Variants in CCDC9B observed in about 807,000 individuals in gnomAD.
The protein encoded by CCDC9B is coiled-coil domain containing 9B, also known as coiled-coil domain-containing protein 9B.
A neutral mutation model predicts 47.2 loss-of-function variants in CCDC9B; 40 were observed. The observed-to-expected ratio is 0.85, with a 90% confidence interval of 0.66 to 1.10. The LOEUF is 1.10. Ranked by LOEUF, CCDC9B falls within the 50% of genes least tolerant of loss-of-function variation. The pLI is 0.00. For synonymous variants in CCDC9B, 238 were observed against 250.7 expected (o/e 0.95, Z 0.48); for missense variants, 662 against 651.0 (o/e 1.02, Z -0.18).
chr15:40,337,424 T>G lies in CCDC9B; in HGVS notation c.706A>C (p.Arg236=). 1 of 1,599,650 alleles carries G rather than the reference T, an allele frequency of 6.3e-7. No individual in the cohort carries two copies. Among genetic ancestry groups the G allele is most frequent in the Non-Finnish European group, 8.5e-7 (1 of 1,172,992 alleles). Residue 236 remains arginine, a synonymous_variant, in exon 7 of 11, where the codon AGG becomes CGG. Coordinates refer to ENST00000397536, the MANE Select transcript of CCDC9B (RefSeq NM_207380.3). ...KSTLQDCSQL[R]GEGPARAGSR... is the part of the protein sequence containing the mutation. Reference sequence around the variant, plus strand: ...CCTGCCCTGGCCGGGCCTTCTCCCCTCAGCTGGCTGCAGTCCTGTAGCCTG... The same window carrying G: ...CCTGCCCTGGCCGGGCCTTCTCCCCGCAGCTGGCTGCAGTCCTGTAGCCTG...
rs572942415 is a variant in CCDC9B at position 40,337,814 on chromosome 15, C to T, written c.593G>A (p.Arg198Gln). Residue 198 changes from arginine (R) to glutamine (Q), a missense_variant, in exon 6 of 11, where the codon CGG (arginine) becomes CAG (glutamine). Transcript: ENST00000397536. ...GWDYAQWKQE[R>Q]EQIDLARLAR... Reference sequence around the variant, plus strand: ...GAGGCGGGCTAGGTCGATCTGCTCCCGCTCCTGCTTCCACTGGGCATAGTC... The same window carrying T: ...GAGGCGGGCTAGGTCGATCTGCTCCTGCTCCTGCTTCCACTGGGCATAGTC... The T allele has an allele frequency of 6.2e-6, 10 of 1,610,518 alleles. No homozygotes were observed. Among genetic ancestry groups the T allele is most frequent in the South Asian group, 4.4e-5 (4 of 91,010 alleles).
rs749781667 is a variant in CCDC9B, at chr15:40,335,337, G to C, written c.1294C>G (p.Pro432Ala). The C allele has an allele frequency of 6.8e-6, 11 of 1,613,592 alleles. No homozygotes were observed. The South Asian group carries it at 1.2e-4, about 18-fold the overall frequency. The part of the protein sequence containing the change: ...HQAELEVQTC[P>A]EPQRGAGLPE... ...AGCCCTGCTCCTCTCTGTGGCTCAG[G>C]GCAAGTCTGTACTTCCAGCTCAGCC... The change falls in exon 11 of 11, where the codon CCT becomes GCT. Residue 432 changes from proline (P) to alanine (A), a missense_variant. Transcript: ENST00000397536.
intron 1 of CCDC9B, chr15:40,340,410 T>C (rs61384528): frequency 2.1e-4 from 66 of 318,658 alleles, no homozygotes; most frequent in East Asian, 2.0e-3. Flanking sequence ...GGGAGCTGTT[T>C]GGCTCCCAGA....
Position 40,335,178 on chromosome 15 carries a change from C to A in CCDC9B, c.1453G>T (p.Gly485Cys). ...AGVRRRTGRP[G>C]PAGRC ...TGTGTTCAGCATCTTCCTGCCGGGCCAGGGCGCCCTGTCCTGCGCCTCACA... is the reference window on the plus strand; with the variant it reads ...TGTGTTCAGCATCTTCCTGCCGGGCAAGGGCGCCCTGTCCTGCGCCTCACA... The change falls in exon 11 of 11, where the codon GGC (glycine) becomes TGC (cysteine). Residue 485 changes from glycine (G) to cysteine (C), a missense_variant. Gly to Cys is a radical substitution (Grantham distance 159, BLOSUM62 -3). Transcript: ENST00000397536. The A allele has an allele frequency of 6.6e-7, 1 of 1,512,162 alleles. No homozygotes were observed. Among genetic ancestry groups the A allele is most frequent in the African/African-American group, 1.4e-5 (1 of 71,906 alleles). The allele number at this position is 1,512,162 out of a possible 1,614,324, so 93.7% of individuals were successfully genotyped here.
At chr15:40,339,837 C>A in intron 2 of CCDC9B, 68 bp downstream of exon 2, 1 of 1,437,552 alleles carries the variant, frequency 7.0e-7, no homozygotes, top group Non-Finnish European at 9.7e-7. Context: ...TGCAGGGAGA[C>A]CACCACGTGT....
intron 1 of CCDC9B, chr15:40,340,257 A>G: frequency 3.8e-6 from 2 of 531,534 alleles, no homozygotes; most frequent in Admixed American, 3.6e-5. Flanking sequence ...CCCAAGCCAC[A>G]GCTCCCAGCA....
Position 40,335,466 on chromosome 15 carries a change from T to G in CCDC9B, c.1165A>C (p.Arg389=), listed in dbSNP as rs943921170. 1 of 1,599,794 alleles carries G rather than the reference T, an allele frequency of 6.3e-7. No individual in the cohort carries two copies. Among genetic ancestry groups the G allele is most frequent in the Admixed American group, 1.7e-5 (1 of 58,250 alleles). ...SLGGAGIPGP[R]ESGCVLGLRP... ...AGACCGAGCACACACCCGCTCTCCC[T>G]GGGCCCAGGGATGCCAGCCCCTCCT... Residue 389 remains arginine, a synonymous_variant, in exon 11 of 11, where the codon AGG becomes CGG. Coordinates refer to ENST00000397536, the MANE Select transcript of CCDC9B (RefSeq NM_207380.3).
intron 3 of CCDC9B, chr15:40,339,175 C>T: frequency 1.7e-6 from 1 of 595,838 alleles, no homozygotes; most frequent in East Asian, 2.8e-5. Flanking sequence ...CCCTCAGACA[C>T]TGCTCCTGGC....
rs147193136 is a variant in CCDC9B at position 40,335,068 on chromosome 15, G to A, written c.*90C>T. ...CTCAGTGACAATGGCGCAAGCCACC[G>A]GCAACCACATGGCCATCACGCGGAG... On this transcript the variant is annotated 3_prime_UTR_variant, in exon 11 of 11. Coordinates refer to ENST00000397536, the MANE Select transcript of CCDC9B (RefSeq NM_207380.3). 7.3e-4 allele frequency: 935 copies of A among 1,288,238 alleles called. 2 individuals carry two copies. In the African/African-American group the frequency reaches 0.011, roughly 16 times the overall value. 79.8% of individuals were successfully genotyped at this position (1,288,238 alleles called of 1,614,324 possible).
At chr15:40,340,768 G>A in intron 1 of CCDC9B, 40 bp downstream of exon 1, 2 of 1,581,330 alleles carry the variant, frequency 1.3e-6, no homozygotes, top group South Asian at 2.3e-5. Context: ...CCCCCTCCCA[G>A]TCCCAAGAAG....
chr15:40,335,742 C>G, intron 10 of CCDC9B, 42 bp from the exon 11 acceptor site: 1 of 1,595,972 alleles, frequency 6.3e-7, no homozygotes, highest in Non-Finnish European at 8.5e-7. Context: ...GAATCCAGGG[C>G]TCGCGTCCCC....
chr15:40,336,888 T>C (rs1242572624), intron 7 of CCDC9B, 75 bp from the exon 8 acceptor site: 2 of 1,448,816 alleles, frequency 1.4e-6, no homozygotes, highest in Non-Finnish European at 1.9e-6. Flanking sequence ...TCTTCCAGCC[T>C]CAGGAAGCTG....
Position 40,334,927 on chromosome 15 carries a change from C to T in CCDC9B, c.*231G>A, listed in dbSNP as rs556409470. On this transcript the variant is annotated 3_prime_UTR_variant, in exon 11 of 11. Transcript: ENST00000397536. ...TGCCAGATACTAGTACAGGAATACACCAGGGGCTGTGCCCGTGCGTGAAAA... is the reference window on the plus strand; with the variant it reads ...TGCCAGATACTAGTACAGGAATACATCAGGGGCTGTGCCCGTGCGTGAAAA... 1.4e-4 allele frequency: 59 copies of T among 407,364 alleles called. No homozygotes were observed. Among genetic ancestry groups the T allele is most frequent in the African/African-American group, 1.2e-3 (57 of 49,376 alleles). 25.2% of individuals were successfully genotyped at this position (407,364 alleles called of 1,614,324 possible).
In CCDC9B at chr15:40,336,746, C is replaced by A; in HGVS notation, c.796+14G>T. The A allele has an allele frequency of 6.2e-7, 1 of 1,600,684 alleles. No homozygotes were observed. Among genetic ancestry groups the A allele is most frequent in the South Asian group, 1.1e-5 (1 of 90,246 alleles). ...TAGCTGACGAGACCTGGCCCCTCCT[C>A]CTCCCCAACTCACCTTTTCCATCAG... is the stretch of plus-strand genomic sequence containing the variant. On this transcript the variant is annotated intron_variant, in intron 8 of 10. Transcript: ENST00000397536.
rs1888870977 is a variant in CCDC9B at position 40,332,131 on chromosome 15, C to T, written c.*3027G>A. On this transcript the variant is annotated 3_prime_UTR_variant, in exon 11 of 11. Coordinates refer to ENST00000397536, the MANE Select transcript of CCDC9B (RefSeq NM_207380.3). The stretch of plus-strand genomic sequence containing the variant: ...TTCTGTTGGTTGGAGAAGAGAAAGA[C>T]ACCCAAAAGGAAGGCTCCCAGCCAG... The T allele has an allele frequency of 6.6e-6, 1 of 152,184 alleles. No homozygotes were observed. The highest frequency in any genetic ancestry group is 2.1e-4 in the South Asian group (1 of 4,830). The allele number at this position is 152,184 out of a possible 1,614,324, so 9.4% of individuals were successfully genotyped here.
At position 40,337,911 on chromosome 15, in the gene CCDC9B, T is replaced by C. The variant is rs766041662; in HGVS notation, c.514-18A>G. On this transcript the variant is annotated intron_variant, in intron 5 of 10. Transcript: ENST00000397536. Reference sequence around the variant, plus strand: ...CAAGAACCCTGTAGGGAGAAGACACTCAGAGTGAGGGGGAGAAGCAGGAAG... The same window carrying C: ...CAAGAACCCTGTAGGGAGAAGACACCCAGAGTGAGGGGGAGAAGCAGGAAG... 7.1e-5 allele frequency: 112 copies of C among 1,585,444 alleles called. No individual in the cohort carries two copies. The highest frequency in any genetic ancestry group is 9.4e-5 in the Non-Finnish European group (109 of 1,165,714).
Position 40,336,651 on chromosome 15 carries a change from T to A in CCDC9B, c.810A>T (p.Gln270His), listed in dbSNP as rs1286129069. The change falls in exon 9 of 11, where the codon CAA becomes CAT. Residue 270 changes from glutamine (Q) to histidine (H), a missense_variant. Physicochemically the swap from Gln to His is conservative, Grantham distance 24. Coordinates refer to ENST00000397536, the MANE Select transcript of CCDC9B (RefSeq NM_207380.3). The part of the protein sequence containing the change: ...LLPDGKGRGG[Q>H]ASRPSVAPAT... ...CTGGTGCCACCGAGGGTCTGCTGGCTTGCCCGCCCCGACCTGCAAGAGATG... is the reference window on the plus strand; with the variant it reads ...CTGGTGCCACCGAGGGTCTGCTGGCATGCCCGCCCCGACCTGCAAGAGATG... 1 of 1,612,426 alleles carries A rather than the reference T, an allele frequency of 6.2e-7. No homozygotes were observed. Among genetic ancestry groups the A allele is most frequent in the South Asian group, 1.1e-5 (1 of 91,036 alleles).
Position 40,334,184 on chromosome 15 carries a change from G to A in CCDC9B, c.*974C>T, listed in dbSNP as rs562235392. 11 of 152,838 alleles carry A rather than the reference G, an allele frequency of 7.2e-5. No individual in the cohort carries two copies. In the South Asian group the frequency reaches 2.3e-3, roughly 32 times the overall value. The allele number at this position is 152,838 out of a possible 1,614,324, so 9.5% of individuals were successfully genotyped here. A position where few individuals can be genotyped will look rare whatever the true frequency, so the allele number is the denominator to read the frequency against. ...GAACTGAGAGGAAGCCACAGCTTGT[G>A]CGGAGTCCGGATAATTCAGCAGACG... On this transcript the variant is annotated 3_prime_UTR_variant, in exon 11 of 11. Transcript: ENST00000397536.
Position 40,335,880 on chromosome 15 carries a change from T to C in CCDC9B, c.888-54A>G, listed in dbSNP as rs1888948698. The C allele has an allele frequency of 2.5e-6, 4 of 1,578,752 alleles. No individual in the cohort carries two copies. In the Admixed American group the frequency reaches 7.3e-5, roughly 29 times the overall value. ...CACCCCACTTCACTCCAGAGCCATGTCCCCCTGCCTGAATAGAGGGGTGGG... is the reference window on the plus strand; with the variant it reads ...CACCCCACTTCACTCCAGAGCCATGCCCCCCTGCCTGAATAGAGGGGTGGG... On this transcript the variant is annotated intron_variant, in intron 9 of 10. Transcript: ENST00000397536.
Sources: gnomAD v4.1 joint callset for allele counts on GRCh38, gnomAD v4.1.1 for gene constraint, MANE v1.5 for transcripts, NCBI Gene and HGNC (gene_info 2026-07-23, HGNC 2026-07-21) for gene names.